The following PARD3B variants were observed in gnomAD, a reference collection of about 807,000 sequenced individuals.
The protein encoded by PARD3B is partitioning defective 3 homolog B.
In PARD3B, 103 loss-of-function variants were observed where a neutral mutation model predicts 130.2. That is an observed-to-expected ratio of 0.79 (90% confidence interval 0.67 to 0.93). The LOEUF (loss-of-function observed/expected upper bound fraction) is 0.93. Ranked by LOEUF, PARD3B falls within the 40% of genes least tolerant of loss-of-function variation. The pLI is 0.00. For synonymous variants in PARD3B, 583 were observed against 553.2 expected, an observed-to-expected ratio of 1.05 and a Z score of -0.76; for missense variants, 1,609 against 1,499.2, an observed-to-expected ratio of 1.07 and a Z score of -1.21.
intron 18 of PARD3B, among the ~76,000 whole-genome samples, chr2:205,323,457 T>G (rs2042828159): frequency 6.6e-6 from 1 of 152,174 alleles, no homozygotes; most frequent in African/African-American, 2.4e-5. Flanking sequence ...CTAAAAATTA[T>G]GTACAGAATT....
At chr2:204,547,799 T>A (rs1217320558) in intron 1 of PARD3B, among the ~76,000 whole-genome samples, 29 of 152,150 alleles carry the variant, frequency 1.9e-4, no homozygotes, top group Non-Finnish European at 4.4e-5. Flanking sequence ...GTAAATAACA[T>A]GAAGAGAACT....
intron 20 of PARD3B, among the ~76,000 whole-genome samples, chr2:205,467,210 C>T (rs1188322040): frequency 2.6e-5 from 4 of 152,164 alleles, no homozygotes; most frequent in African/African-American, 9.7e-5. Context: ...ACCACAAGAG[C>T]CATTTGTAAT....
chr2:205,070,505 T>C lies in PARD3B; in HGVS notation c.504+22815T>C, dbSNP rs568744937. On this transcript the variant is annotated intron_variant, in intron 4 of 22. Coordinates refer to ENST00000406610, the MANE Select transcript of PARD3B (RefSeq NM_001302769.2). Reference sequence around the variant, plus strand: ...TGAATTTAATTGCTTCCCTGTAAAGTTGTTTGAATTGTTCCTCTTGTCCCT... The same window carrying C: ...TGAATTTAATTGCTTCCCTGTAAAGCTGTTTGAATTGTTCCTCTTGTCCCT... 2.0e-5 allele frequency among the ~76,000 whole-genome samples: 3 copies of C among 152,224 alleles called. No homozygotes were observed. The East Asian group carries it at 5.8e-4, about 29-fold the overall frequency.
At chr2:204,615,537 A>T (rs6731832) in intron 1 of PARD3B, among the ~76,000 whole-genome samples, 2,609 of 152,244 alleles carry the variant, frequency 0.017, 75 homozygotes, top group East Asian at 0.13. Flanking sequence ...AAAATTGGGA[A>T]ATTGTCAAGC....
At chr2:204,698,740 C>T (rs762447410) in intron 2 of PARD3B, among the ~76,000 whole-genome samples, 26 of 151,942 alleles carry the variant, frequency 1.7e-4, no homozygotes, top group Admixed American at 4.6e-4. Flanking sequence ...TAAGTGGTTA[C>T]GTCAATGCGT....
In PARD3B at chr2:205,268,154, G is replaced by C. The variant is rs2040583082; in HGVS notation, c.2185+22332G>C. The stretch of plus-strand genomic sequence containing the variant: ...AGAAATGTTTTAGAGTCAACTGCAA[G>C]AACTCATTAATACCAAGCCCAAGAA... On this transcript the variant is annotated intron_variant, in intron 16 of 22. Transcript: ENST00000406610. The surrounding 1 kb of genome is among the most constrained non-coding windows in gnomAD (Gnocchi z 4.1). Among the ~76,000 whole-genome samples the C allele has an allele frequency of 6.6e-6, 1 of 152,182 alleles. No individual in the cohort carries two copies. The highest frequency in any genetic ancestry group is 2.4e-5 in the African/African-American group (1 of 41,446).
intron 1 of PARD3B, among the ~76,000 whole-genome samples, chr2:204,588,020 A>G (rs545898796): frequency 6.6e-6 from 1 of 152,260 alleles, no homozygotes; most frequent in South Asian, 2.1e-4. Flanking sequence ...TGTCTTTATT[A>G]GCAGCATGAG....
chr2:205,547,874 G>A (rs181195383), intron 21 of PARD3B, among the ~76,000 whole-genome samples: 9 of 152,240 alleles, frequency 5.9e-5, no homozygotes, highest in Admixed American at 2.6e-4. Context: ...GGCTGCAAGG[G>A]AATCCAGAGA....
rs935456352 is a variant in PARD3B, at chr2:205,187,099, T to G, written c.2024+1236T>G. The stretch of plus-strand genomic sequence containing the variant: ...TATTTACCAGAAGGTATAGATAAAA[T>G]GCTCTGAGCATCTGAGGCAGAGGAG... On this transcript the variant is annotated intron_variant, in intron 14 of 22. Coordinates refer to ENST00000406610, the MANE Select transcript of PARD3B (RefSeq NM_001302769.2). The surrounding 1 kb of genome is among the most constrained non-coding windows in gnomAD (Gnocchi z 4.9). 2.6e-5 allele frequency among the ~76,000 whole-genome samples: 4 copies of G among 152,178 alleles called. No homozygotes were observed. The highest frequency in any genetic ancestry group is 9.6e-5 in the African/African-American group (4 of 41,456).
chr2:205,592,556 G>T lies in PARD3B; in HGVS notation c.3261-22900G>T, dbSNP rs904032747. 1.3e-5 allele frequency among the ~76,000 whole-genome samples: 2 copies of T among 152,096 alleles called. No homozygotes were observed. Among genetic ancestry groups the T allele is most frequent in the Admixed American group, 6.5e-5 (1 of 15,268 alleles). ...GTTCGTTGGAGACACCAGAAAACAGGTGATTAAATACAATGGTTATTGATT... is the reference window on the plus strand; with the variant it reads ...GTTCGTTGGAGACACCAGAAAACAGTTGATTAAATACAATGGTTATTGATT... On this transcript the variant is annotated intron_variant, in intron 22 of 22. Coordinates refer to ENST00000406610, the MANE Select transcript of PARD3B (RefSeq NM_001302769.2). This position sits in a 1 kb window ranked among gnomAD's most constrained non-coding sequence, Gnocchi z 4.5.
rs78398702 is a variant in PARD3B, at chr2:204,715,556, A to G, written c.222+29274A>G. ...CTGGCACTTGATCAGTTAAAACGTA[A>G]ATCGTAAGCCAAACTACTTTCTTTT... is the stretch of plus-strand genomic sequence containing the variant. On this transcript the variant is annotated intron_variant, in intron 2 of 22. Transcript: ENST00000406610. Among the ~76,000 whole-genome samples the G allele has an allele frequency of 8.5e-3, 1,293 of 152,024 alleles. 9 individuals are homozygous for G. The highest frequency in any genetic ancestry group is 0.028 in the African/African-American group (1,163 of 41,414).
rs897062363 is a variant in PARD3B, at chr2:204,941,060, T to C, written c.223-24092T>C. ...TGGGAGAGTTAAAAAACTAACATCC[T>C]AGTAATTGATAAACCTTGGTGTTTG... On this transcript the variant is annotated intron_variant, in intron 2 of 22. Transcript: ENST00000406610. Among the ~76,000 whole-genome samples the C allele has an allele frequency of 2.6e-5, 4 of 152,218 alleles. No individual in the cohort carries two copies. The East Asian group carries it at 5.8e-4, about 22-fold the overall frequency.
chr2:204,791,414 A>G (rs912749926), intron 2 of PARD3B, among the ~76,000 whole-genome samples: 2 of 152,220 alleles, frequency 1.3e-5, no homozygotes, highest in African/African-American at 4.8e-5. Flanking sequence ...TATTCATGAT[A>G]ATAATCCTGG....
rs745758136 is a variant in PARD3B at position 205,160,983 on chromosome 2, C to CTA, written c.1620+2078_1620+2079dup. ...TCGCCTGGAGGTGTCTTGTATGGTG[C>CTA]TATCATCCTTAGCCAAGCCATCTAG... On this transcript the variant is annotated intron_variant, in intron 11 of 22. Coordinates refer to ENST00000406610, the MANE Select transcript of PARD3B (RefSeq NM_001302769.2). The surrounding 1 kb of genome is among the most constrained non-coding windows in gnomAD (Gnocchi z 4.0). Among the ~76,000 whole-genome samples, 16 of 152,296 alleles carry CTA rather than the reference C, an allele frequency of 1.1e-4. No individual in the cohort carries two copies. The East Asian group carries it at 2.9e-3, about 28-fold the overall frequency.
intron 3 of PARD3B, among the ~76,000 whole-genome samples, chr2:205,012,265 T>A (rs1695774426): frequency 6.6e-6 from 1 of 152,234 alleles, no homozygotes; most frequent in African/African-American, 2.4e-5. Context: ...TATTTTACTA[T>A]TTCACTGTCT....
chr2:205,040,947 G>A (rs1698356363), intron 3 of PARD3B, among the ~76,000 whole-genome samples: 1 of 152,038 alleles, frequency 6.6e-6, no homozygotes, highest in African/African-American at 2.4e-5. Context: ...AGGTTATCGT[G>A]TTAATCCCAG....
At chr2:204,977,845 C>A (rs975421427) in intron 3 of PARD3B, among the ~76,000 whole-genome samples, 3 of 149,346 alleles carry the variant, frequency 2.0e-5, no homozygotes, top group East Asian at 3.9e-4. Flanking sequence ...GAATAGGGAG[C>A]CTTTACCAGC....
intron 4 of PARD3B, among the ~76,000 whole-genome samples, chr2:205,067,182 G>A (rs13398282): frequency 7.9e-6 from 1 of 126,628 alleles, no homozygotes; most frequent in Admixed American, 8.7e-5. Flanking sequence ...GTTTTTCAGA[G>A]AAAGGGTCTC....
At chr2:204,970,144 C>G (rs1248392113) in intron 3 of PARD3B, among the ~76,000 whole-genome samples, 4 of 152,076 alleles carry the variant, frequency 2.6e-5, no homozygotes, top group African/African-American at 9.7e-5. Context: ...CTGACTAGTC[C>G]CTACACTGCC....
Sources: allele counts gnomAD v4.1 joint callset (sites outside exome capture counted in the v4.1 genomes callset), GRCh38; gene constraint gnomAD v4.1.1; non-coding constraint Gnocchi (gnomAD v3.1); transcripts MANE v1.5; gene names NCBI Gene and HGNC (gene_info 2026-07-23, HGNC 2026-07-21).